The following SLC35F4 variants were observed in gnomAD, a reference collection of about 807,000 sequenced individuals.
SLC35F4 encodes the protein solute carrier family 35 member F4.
In SLC35F4, 24 loss-of-function variants were observed where a neutral mutation model predicts 44.2. The observed-to-expected ratio is 0.54, with a 90% CI of 0.39 to 0.76. SLC35F4 has a LOEUF of 0.76. Among genes scored for constraint, SLC35F4 ranks in the 30% least tolerant of loss-of-function variants. The probability of loss-of-function intolerance (pLI) is 0.00; values close to 1 mark genes in which losing one functional copy is unlikely to be tolerated. For missense variants in SLC35F4, 562 were observed against 586.1 expected (o/e 0.96, Z 0.42); for synonymous variants, 238 against 223.6 (o/e 1.06, Z -0.57).
intron 1 of SLC35F4, among the ~76,000 whole-genome samples, chr14:57,702,603 T>C (rs2075570921): frequency 6.6e-6 from 1 of 152,166 alleles, no homozygotes; most frequent in Non-Finnish European, 1.5e-5. Context: ...AGGGTGAATA[T>C]TAACAAAAAC....
intron 1 of SLC35F4, among the ~76,000 whole-genome samples, chr14:57,747,875 T>G (rs2140544822): frequency 6.6e-6 from 1 of 152,328 alleles, no homozygotes; most frequent in South Asian, 2.1e-4. Flanking sequence ...CTGAATGTTC[T>G]TAGTTAGATT....
At chr14:57,658,198 C>T (rs2074028210) in intron 1 of SLC35F4, among the ~76,000 whole-genome samples, 1 of 152,220 alleles carries the variant, frequency 6.6e-6, no homozygotes, top group South Asian at 2.1e-4. Context: ...TAAATATGCT[C>T]AGAGTCTCAG....
intron 1 of SLC35F4, among the ~76,000 whole-genome samples, chr14:57,615,057 T>A (rs2071730352): frequency 1.3e-5 from 2 of 152,222 alleles, no homozygotes; most frequent in South Asian, 4.1e-4. Context: ...TCTAAACTTT[T>A]AAAATTTTAT....
intron 1 of SLC35F4, among the ~76,000 whole-genome samples, chr14:57,893,216 C>A (rs1318875432): frequency 6.6e-6 from 1 of 152,130 alleles, no homozygotes; most frequent in Non-Finnish European, 1.5e-5. Context: ...CAGCAAATCC[C>A]CATATAGTGC....
Position 57,746,017 on chromosome 14 carries a change from G to A in SLC35F4, c.103+119706C>T, listed in dbSNP as rs544325552. Among the ~76,000 whole-genome samples the A allele has an allele frequency of 2.2e-4, 33 of 152,136 alleles. 1 individual carries two copies. The highest frequency in any genetic ancestry group is 8.0e-4 in the African/African-American group (33 of 41,490). On this transcript the variant is annotated intron_variant, in intron 1 of 7. Transcript: ENST00000556826. ...CAAACACCACATGTTCTCACTCATA[G>A]GTGGGAATTGAACAATGAGAACACT...
intron 1 of SLC35F4, among the ~76,000 whole-genome samples, chr14:57,794,298 A>C (rs1247577980): frequency 6.6e-6 from 1 of 152,198 alleles, no homozygotes; most frequent in African/African-American, 2.4e-5. Flanking sequence ...CAAACTATAC[A>C]TCTGACAAAA....
intron 1 of SLC35F4, among the ~76,000 whole-genome samples, chr14:57,919,403 G>T (rs553670207): frequency 6.6e-5 from 10 of 152,176 alleles, no homozygotes; most frequent in African/African-American, 2.4e-4. Context: ...AAGCAGTTAG[G>T]GAAAGGGTTT....
intron 1 of SLC35F4, among the ~76,000 whole-genome samples, chr14:57,964,512 T>C (rs1890397675): frequency 6.6e-6 from 1 of 152,214 alleles, no homozygotes; most frequent in Admixed American, 6.5e-5. Flanking sequence ...CTAAGTAGCC[T>C]AAACAAGTCA....
At chr14:57,915,628 C>T (rs933238204) in intron 1 of SLC35F4, among the ~76,000 whole-genome samples, 3 of 151,988 alleles carry the variant, frequency 2.0e-5, no homozygotes, top group African/African-American at 7.3e-5. Flanking sequence ...CATAAAGCCC[C>T]TGGGCATGGA....
At chr14:57,938,954 T>C (rs538062789) in intron 1 of SLC35F4, among the ~76,000 whole-genome samples, 10 of 152,236 alleles carry the variant, frequency 6.6e-5, no homozygotes, top group South Asian at 2.1e-4. Context: ...TAGACCCTAA[T>C]GTTTAACGTA....
In SLC35F4 at chr14:57,793,061, G is replaced by A. The variant is rs1290653822; in HGVS notation, c.103+72662C>T. Among the ~76,000 whole-genome samples the A allele has an allele frequency of 2.6e-5, 4 of 151,766 alleles. No individual in the cohort carries two copies. The East Asian group carries it at 7.7e-4, about 29-fold the overall frequency. On this transcript the variant is annotated intron_variant, in intron 1 of 7. Transcript: ENST00000556826. ...AACAAAACCAAAATATTAGAAACTG[G>A]TGTCTAGAAAACACAGAAGAAAATT...
chr14:57,825,711 T>C (rs936900200), intron 1 of SLC35F4, among the ~76,000 whole-genome samples: 2 of 152,180 alleles, frequency 1.3e-5, no homozygotes, highest in Non-Finnish European at 2.9e-5. Context: ...CAAGTATTCC[T>C]ATATACCGAC....
In SLC35F4 at chr14:57,844,099, TTACCTACCCAGTAAGCATAAA is replaced by T. The variant is rs536819896; in HGVS notation, c.103+21603_103+21623del. 2.6e-5 allele frequency among the ~76,000 whole-genome samples: 4 copies of T among 152,290 alleles called. No homozygotes were observed. The South Asian group carries it at 8.3e-4, about 32-fold the overall frequency. ...AAAAATTACCTTGAAAGGTAAATAG[TTACCTACCCAGTAAGCATAAA>T]TACAAGAGATTTAACACTTTTAAAA... On this transcript the variant is annotated intron_variant, in intron 1 of 7. Transcript: ENST00000556826.
chr14:57,948,853 CT>C (rs1344705199), intron 1 of SLC35F4, among the ~76,000 whole-genome samples: 8 of 151,996 alleles, frequency 5.3e-5, no homozygotes, highest in Non-Finnish European at 8.8e-5. Flanking sequence ...TTAAAAGTCC[CT>C]TTTGAAGTTA....
At chr14:57,766,324 A>C (rs2077233143) in intron 1 of SLC35F4, among the ~76,000 whole-genome samples, 1 of 152,258 alleles carries the variant, frequency 6.6e-6, no homozygotes, top group African/African-American at 2.4e-5. Context: ...ACTTCAGTTA[A>C]GTATTCATGG....
chr14:57,866,519 C>T (rs1383202731), upstream of SLC35F4, among the ~76,000 whole-genome samples: 2 of 152,066 alleles, frequency 1.3e-5, no homozygotes, highest in East Asian at 3.9e-4. Flanking sequence ...AATTAGTTCC[C>T]GGCAGGTGGT....
At chr14:57,799,713 C>A (rs927906632) in intron 1 of SLC35F4, among the ~76,000 whole-genome samples, 2 of 152,272 alleles carry the variant, frequency 1.3e-5, no homozygotes, top group African/African-American at 2.4e-5. Flanking sequence ...AAGGCTCCCC[C>A]TCAATGCAGC....
intron 2 of SLC35F4, among the ~76,000 whole-genome samples, chr14:57,591,653 C>A (rs1594973808): frequency 1.3e-5 from 2 of 152,320 alleles, no homozygotes; most frequent in South Asian, 4.1e-4. Context: ...ATTCTGAGCA[C>A]CCACATGGCT....
At chr14:57,750,656 G>A (rs914835690) in intron 1 of SLC35F4, among the ~76,000 whole-genome samples, 8 of 152,234 alleles carry the variant, frequency 5.3e-5, no homozygotes, top group Non-Finnish European at 8.8e-5. Flanking sequence ...GCACATATCT[G>A]TTGGCCATTT....
Sources: allele counts gnomAD v4.1 joint callset (sites outside exome capture counted in the v4.1 genomes callset), GRCh38; gene constraint gnomAD v4.1.1; transcripts MANE v1.5; gene names NCBI Gene and HGNC (gene_info 2026-07-23, HGNC 2026-07-21).